Variants in MAMDC2 observed in about 807,000 individuals in gnomAD.
The protein encoded by MAMDC2 is MAM domain containing 2.
In MAMDC2, 57 loss-of-function variants were observed where a neutral mutation model predicts 89.8. That is an observed-to-expected ratio of 0.63 (90% CI 0.51 to 0.79). MAMDC2 has a LOEUF of 0.79. MAMDC2 is among the 30% of genes least tolerant of loss of function. The pLI is 0.00. For missense variants in MAMDC2, 800 were observed against 820.6 expected (o/e 0.97, Z 0.31); for synonymous variants, 313 against 293.4 (o/e 1.07, Z -0.68).
intron 12 of MAMDC2, among the ~76,000 whole-genome samples, chr9:70,223,132 CAA>C (rs57177475): frequency 2.9e-4 from 35 of 119,082 alleles, no homozygotes; most frequent in African/African-American, 9.8e-4. Flanking sequence ...GACTCTGTCT[CAA>C]AAAAAAAAAA....
At chr9:70,062,739 G>T (rs73650512) in intron 2 of MAMDC2, 1 of 152,180 alleles carries the variant, frequency 6.6e-6, no homozygotes, top group Non-Finnish European at 1.5e-5. Context: ...TGGAGCTCTG[G>T]GTCTGGCTGT....
intron 11 of MAMDC2, among the ~76,000 whole-genome samples, chr9:70,217,822 T>C (rs2033478341): frequency 6.6e-6 from 1 of 152,286 alleles, no homozygotes; most frequent in Non-Finnish European, 1.5e-5. Flanking sequence ...TGAGCATATG[T>C]CATTATGTTA....
intron 9 of MAMDC2, chr9:70,154,144 T>C (rs1587520926): frequency 6.6e-6 from 1 of 152,268 alleles, no homozygotes; most frequent in African/African-American, 2.4e-5. Flanking sequence ...GAAATTGTAC[T>C]TACCTGTCTC....
chr9:70,098,436 G>A (rs1356833509), intron 2 of MAMDC2, among the ~76,000 whole-genome samples: 1 of 152,208 alleles, frequency 6.6e-6, no homozygotes, highest in Non-Finnish European at 1.5e-5. Flanking sequence ...CTTTTAGGGA[G>A]TGGGGAGGTG....
chr9:70,146,735 C>G (rs2031415966), intron 9 of MAMDC2, among the ~76,000 whole-genome samples: 1 of 151,972 alleles, frequency 6.6e-6, no homozygotes, highest in Non-Finnish European at 1.5e-5. Context: ...GAGTTCGAGA[C>G]CAGCCTGGCC....
At chr9:70,180,075 C>T (rs1434989529) in intron 11 of MAMDC2, among the ~76,000 whole-genome samples, 3 of 151,122 alleles carry the variant, frequency 2.0e-5, no homozygotes, top group Non-Finnish European at 2.9e-5. Context: ...CACGTGTTAT[C>T]ATTGTTCAAC....
chr9:70,192,938 G>A (rs1000925345), intron 11 of MAMDC2, among the ~76,000 whole-genome samples: 1 of 152,074 alleles, frequency 6.6e-6, no homozygotes, highest in African/African-American at 2.4e-5. Context: ...TTCTTGCTGA[G>A]GACAGGCATG....
chr9:70,195,381 C>T (rs1157775104), intron 11 of MAMDC2, among the ~76,000 whole-genome samples: 1 of 152,064 alleles, frequency 6.6e-6, no homozygotes, highest in Non-Finnish European at 1.5e-5. Flanking sequence ...TTCCTGCCGC[C>T]ATTTACTTCA....
At chr9:70,179,718 A>C (rs1415986204) in intron 11 of MAMDC2, among the ~76,000 whole-genome samples, 1 of 151,198 alleles carries the variant, frequency 6.6e-6, no homozygotes, top group Non-Finnish European at 1.5e-5. Flanking sequence ...ATAAAATTCC[A>C]GCCAGGATGG....
At chr9:70,065,397 T>A (rs1283437393) in intron 2 of MAMDC2, among the ~76,000 whole-genome samples, 1 of 152,152 alleles carries the variant, frequency 6.6e-6, no homozygotes, top group Non-Finnish European at 1.5e-5. Context: ...TCTATCCATA[T>A]GTAAATATTT....
chr9:70,097,873 T>A (rs942767762), intron 2 of MAMDC2, among the ~76,000 whole-genome samples: 9 of 152,110 alleles, frequency 5.9e-5, no homozygotes, highest in Admixed American at 5.2e-4. Context: ...AAATGAAAAA[T>A]TTCTTGAATC....
chr9:70,093,728 G>A (rs1212034039), intron 2 of MAMDC2: 4 of 151,840 alleles, frequency 2.6e-5, no homozygotes, highest in Admixed American at 6.6e-5. Flanking sequence ...CACCGCACTC[G>A]GCCTAAATAC....
At chr9:70,113,432 C>G (rs930890519) in intron 5 of MAMDC2, among the ~76,000 whole-genome samples, 1 of 152,114 alleles carries the variant, frequency 6.6e-6, no homozygotes, top group Non-Finnish European at 1.5e-5. Flanking sequence ...GCTTTACTTT[C>G]TTGTATATTT....
intron 2 of MAMDC2, among the ~76,000 whole-genome samples, chr9:70,093,093 ATATT>A (rs1335277193): frequency 7.9e-5 from 12 of 152,106 alleles, no homozygotes; most frequent in African/African-American, 1.4e-4. Context: ...GTGTGTATAT[ATATT>A]TATTTATGTA....
At chr9:70,125,458 C>G (rs1379753581) in intron 5 of MAMDC2, among the ~76,000 whole-genome samples, 1 of 152,212 alleles carries the variant, frequency 6.6e-6, no homozygotes, top group Non-Finnish European at 1.5e-5. Context: ...AAGGCTGTCT[C>G]CATTCTGCCA....
intron 2 of MAMDC2, among the ~76,000 whole-genome samples, chr9:70,100,942 GC>G (rs1246101498): frequency 6.6e-6 from 1 of 152,160 alleles, no homozygotes; most frequent in Non-Finnish European, 1.5e-5. Flanking sequence ...ACAGAAATTA[GC>G]AATTAACATG....
chr9:70,113,099 C>A lies in MAMDC2; in HGVS notation c.610C>A (p.Leu204Ile). The change falls in exon 5 of 14, where the codon CTC becomes ATC. Residue 204 changes from leucine to isoleucine, a missense_variant. By Grantham distance (5) the Leu-to-Ile change is conservative (BLOSUM62 2). Coordinates refer to ENST00000377182, the MANE Select transcript of MAMDC2 (RefSeq NM_153267.5). ...AAGTATTCGGAATGTCCACTCCATT[C>A]TCCCACAGGATCACACCTTCAAGAG... Reference protein sequence around the residue: ...GGSIRNVHSILPQDHTFKSEL... With the variant: ...GGSIRNVHSIIPQDHTFKSEL... 1.9e-6 allele frequency: 3 copies of A among 1,614,086 alleles called. No homozygotes were observed. Among genetic ancestry groups the A allele is most frequent in the Admixed American group, 1.7e-5 (1 of 60,010 alleles).
intron 11 of MAMDC2, among the ~76,000 whole-genome samples, chr9:70,203,169 G>C (rs1036780044): frequency 1.3e-5 from 2 of 151,580 alleles, no homozygotes; most frequent in African/African-American, 2.4e-5. Context: ...TTTACATTTT[G>C]GCATGATTTT....
chr9:70,073,717 A>C (rs866898546), intron 2 of MAMDC2, among the ~76,000 whole-genome samples: 8 of 152,334 alleles, frequency 5.3e-5, no homozygotes, highest in Middle Eastern at 3.4e-3. Flanking sequence ...ATAAACCATG[A>C]ATCTCATCTC....
Sources: allele counts gnomAD v4.1 joint callset (sites outside exome capture counted in the v4.1 genomes callset), GRCh38; gene constraint gnomAD v4.1.1; transcripts MANE v1.5; gene names NCBI Gene and HGNC (gene_info 2026-07-23, HGNC 2026-07-21).